Variants in PRSS36 observed in about 807,000 individuals in gnomAD.
The protein encoded by PRSS36 is polyserase-2.
Under a neutral mutation model 94.3 loss-of-function variants are expected in PRSS36, and 90 were observed. That is an observed-to-expected ratio of 0.95 (90% CI 0.80 to 1.14). PRSS36 has a LOEUF of 1.14. Among genes scored for constraint, PRSS36 ranks in the 50% most tolerant of loss-of-function variants. PRSS36 has a pLI of 0.00. For missense variants in PRSS36, 1,158 were observed against 1,135.0 expected (o/e 1.02, Z -0.29); for synonymous variants, 500 against 489.6 (o/e 1.02, Z -0.28).
chr16:31,147,880 A>G (rs991233277), intron 5 of PRSS36, among the ~76,000 whole-genome samples: 2 of 152,166 alleles, frequency 1.3e-5, no homozygotes, highest in African/African-American at 2.4e-5. Flanking sequence ...AATATCTATT[A>G]TAGGCCAGCC....
chr16:31,143,027 T>A, intron 8 of PRSS36, 34 bp from the exon 9 acceptor site: 1 of 1,372,480 alleles, frequency 7.3e-7, no homozygotes, highest in South Asian at 1.7e-5. Context: ...GTGGGCCGGA[T>A]CCCGCACACG....
At position 31,141,946 on chromosome 16, in the gene PRSS36, C is replaced by G; in HGVS notation, c.1536G>C (p.Trp512Cys). 3 of 1,614,130 alleles carry G rather than the reference C, an allele frequency of 1.9e-6. No individual in the cohort carries two copies. The highest frequency in any genetic ancestry group is 2.5e-6 in the Non-Finnish European group (3 of 1,179,996). Reference sequence around the variant, plus strand: ...TCCCCTCCTCCTGGCACAAAAGGCTCCAACGCGAGTCATTCTGCAGCAACA... The same window carrying G: ...TCCCCTCCTCCTGGCACAAAAGGCTGCAACGCGAGTCATTCTGCAGCAACA... ...EVGSCWNDSR[W>C]SLLCQEEGTW... Residue 512 changes from tryptophan to cysteine, a missense_variant, in exon 11 of 15, where the codon TGG becomes TGC. Trp to Cys is a radical substitution (Grantham distance 215). Coordinates refer to ENST00000268281, the MANE Select transcript of PRSS36 (RefSeq NM_173502.5).
chr16:31,148,337 C>G (rs2057828554), intron 5 of PRSS36, 58 bp downstream of exon 5: 1 of 1,465,476 alleles, frequency 6.8e-7, no homozygotes, highest in South Asian at 1.4e-5. Context: ...CCCTAGGAAC[C>G]TCACCTCTCG....
At chr16:31,149,771 G>T in intron 1 of PRSS36, 40 bp from the exon 2 acceptor site, 2 of 1,613,704 alleles carry the variant, frequency 1.2e-6, no homozygotes, top group South Asian at 1.1e-5. Context: ...CTGGCGACTC[G>T]CACTCAGTAT....
At position 31,149,124 on chromosome 16, in the gene PRSS36, C is replaced by T. The variant is rs1567455697; in HGVS notation, c.221G>A (p.Gly74Asp). ...GACCCAGGAGGGGGCGATGAGGGAG[C>T]CCCCGCAGATGTGGCCACCTCCATG... ...LHHGGGHICG[G>D]SLIAPSWVLS... Residue 74 changes from glycine (G) to aspartate (D), a missense_variant, in exon 4 of 15, where the codon GGC becomes GAC. Gly to Asp is a moderately conservative substitution (Grantham distance 94). Coordinates refer to ENST00000268281, the MANE Select transcript of PRSS36 (RefSeq NM_173502.5). 1.9e-6 allele frequency: 3 copies of T among 1,585,398 alleles called. No homozygotes were observed. The highest frequency in any genetic ancestry group is 1.8e-5 in the Admixed American group (1 of 54,214).
chr16:31,149,094 G>A lies in PRSS36; in HGVS notation c.251C>T (p.Ser84Phe), dbSNP rs1361089199. Residue 84 changes from serine (S) to phenylalanine (F), a missense_variant, in exon 4 of 15, where the codon TCC (serine) becomes TTC (phenylalanine). Transcript: ENST00000268281. ...TCACGTCATGAAACAGTGAGCAGCG[G>A]AGAGGACCCAGGAGGGGGCGATGAG... ...GSLIAPSWVL[S>F]AAHCFMTNGT... 6.3e-7 allele frequency: 1 copy of A among 1,594,194 alleles called. No individual in the cohort carries two copies. Among genetic ancestry groups the A allele is most frequent in the East Asian group, 2.3e-5 (1 of 44,226 alleles).
intron 4 of PRSS36, 48 bp from the exon 5 acceptor site, chr16:31,148,723 G>A (rs1213923213): frequency 2.5e-6 from 4 of 1,602,840 alleles, no homozygotes; most frequent in African/African-American, 1.3e-5. Context: ...CTATGGAGGG[G>A]GCAGACCCTC....
At chr16:31,144,804 A>G (rs2057772125) in intron 6 of PRSS36, among the ~76,000 whole-genome samples, 1 of 151,618 alleles carries the variant, frequency 6.6e-6, no homozygotes, top group Non-Finnish European at 1.5e-5. Flanking sequence ...AAATAAATAA[A>G]TAGCTGGGCA....
chr16:31,143,543 C>T, intron 7 of PRSS36, 45 bp downstream of exon 7: 1 of 1,610,072 alleles, frequency 6.2e-7, no homozygotes, highest in Non-Finnish European at 8.5e-7. Context: ...CATCCCAACT[C>T]ACTCTCCCAT....
In PRSS36 at chr16:31,142,583, G is replaced by T. The variant is rs1450508512; in HGVS notation, c.1419C>A (p.His473Gln). 1 of 1,523,728 alleles carries T rather than the reference G, an allele frequency of 6.6e-7. No homozygotes were observed. The allele number at this position is 1,523,728 out of a possible 1,614,324, so 94.4% of individuals were successfully genotyped here. ...EAELLGGWWC[H>Q]CLYGRQGAAV... Reference sequence around the variant, plus strand: ...CCGCCCCCTGGCGGCCGTACAGGCAGTGGCACCACCAGCCGCCTAACAGCT... The same window carrying T: ...CCGCCCCCTGGCGGCCGTACAGGCATTGGCACCACCAGCCGCCTAACAGCT... The change falls in exon 10 of 15, where the codon CAC (histidine) becomes CAA (glutamine). Residue 473 changes from histidine to glutamine, a missense_variant. His to Gln is a conservative substitution (Grantham distance 24, BLOSUM62 0). Coordinates refer to ENST00000268281, the MANE Select transcript of PRSS36 (RefSeq NM_173502.5).
At chr16:31,140,842 G>GA in intron 12 of PRSS36, 85 bp from the exon 13 acceptor site, 2 of 1,453,334 alleles carry the variant, frequency 1.4e-6, no homozygotes, top group Non-Finnish European at 1.9e-6. Context: ...ATGACTCTCT[G>GA]GGGTCATGCC....
chr16:31,149,271 C>G (rs1391969200), intron 3 of PRSS36, 36 bp from the exon 4 acceptor site: 1 of 1,527,354 alleles, frequency 6.5e-7, no homozygotes, highest in South Asian at 1.2e-5. Context: ...AAGCTCCCCT[C>G]GGGTTCCCCA....
At chr16:31,145,704 A>C in intron 6 of PRSS36, 85 bp downstream of exon 6, 1 of 1,346,812 alleles carries the variant, frequency 7.4e-7, no homozygotes, top group Non-Finnish European at 1.0e-6. Context: ...CCTTTTGCAG[A>C]TGAGGCTTGG....
chr16:31,143,513 C>T (rs768834486), intron 7 of PRSS36, 42 bp from the exon 8 acceptor site: 1 of 1,604,408 alleles, frequency 6.2e-7, no homozygotes, highest in South Asian at 1.1e-5. Flanking sequence ...TCCTGCAACC[C>T]AATCACTCCC....
chr16:31,143,702 T>A lies in PRSS36; in HGVS notation c.856A>T (p.Ile286Leu). Residue 286 changes from isoleucine (I) to leucine (L), a missense_variant, in exon 7 of 15, where the codon ATA (isoleucine) becomes TTA (leucine). By Grantham distance (5) the Ile-to-Leu change is conservative. Coordinates refer to ENST00000268281, the MANE Select transcript of PRSS36 (RefSeq NM_173502.5). ...FTAVATYEAW[I>L]REQVMGSEPG... ...TCTGAACCCATCACCTGCTCCCGTA[T>A]CCATGCCTCATAGGTAGCCACAGCA... 6.2e-7 allele frequency: 1 copy of A among 1,614,128 alleles called. No homozygotes were observed. Among genetic ancestry groups the A allele is most frequent in the South Asian group, 1.1e-5 (1 of 91,086 alleles).
chr16:31,145,382 A>G (rs911746605), intron 6 of PRSS36, among the ~76,000 whole-genome samples: 1 of 150,346 alleles, frequency 6.7e-6, no homozygotes, highest in Non-Finnish European at 1.5e-5. Context: ...CAAAAAAAAA[A>G]AAAAAAAAAA....
At chr16:31,147,476 C>G (rs1276213941) in intron 5 of PRSS36, among the ~76,000 whole-genome samples, 1 of 152,142 alleles carries the variant, frequency 6.6e-6, no homozygotes, top group Non-Finnish European at 1.5e-5. Flanking sequence ...AGGATGGGCA[C>G]AGGTCTGACC....
intron 14 of PRSS36, 38 bp downstream of exon 14, chr16:31,140,256 T>A (rs1335285616): frequency 6.4e-7 from 1 of 1,566,752 alleles, no homozygotes; most frequent in South Asian, 1.2e-5. Context: ...CAACACTGCC[T>A]CTCCCCTGCC....
At chr16:31,139,439 C>T (rs757916700) in intron 14 of PRSS36, 23 bp from the exon 15 acceptor site, 13 of 1,601,958 alleles carry the variant, frequency 8.1e-6, no homozygotes, top group Admixed American at 1.7e-5. Context: ...AGCGAGGCCA[C>T]GTGGGTCTGC....
Sources: gnomAD v4.1 joint callset for allele counts (sites outside exome capture counted in the v4.1 genomes callset) on GRCh38, gnomAD v4.1.1 for gene constraint, MANE v1.5 for transcripts, NCBI Gene and HGNC (gene_info 2026-07-23, HGNC 2026-07-21) for gene names.